Variants in YEATS4 observed in about 807,000 individuals in gnomAD.
YEATS4 encodes YEATS domain-containing protein 4.
Under a neutral mutation model 30.1 loss-of-function variants are expected in YEATS4, and 17 were observed. The observed-to-expected ratio is 0.56, with a 90% CI of 0.39 to 0.85. The LOEUF is 0.85. Ranked by LOEUF, YEATS4 falls within the 40% of genes least tolerant of loss-of-function variation. The pLI is 0.00. For synonymous variants in YEATS4, 85 were observed against 87.5 expected (o/e 0.97, Z 0.16); for missense variants, 142 against 268.3 (o/e 0.53, Z 3.29).
At chr12:69,384,892 CAGAT>C (rs1476878203) in intron 6 of YEATS4, among the ~76,000 whole-genome samples, 14 of 152,060 alleles carry the variant, frequency 9.2e-5, no homozygotes, top group South Asian at 2.1e-4. Flanking sequence ...TATGGACAGA[CAGAT>C]AGAATAAGAG....
chr12:69,426,923 G>A, the YEATS4 span, among the ~76,000 whole-genome samples: 1 of 152,132 alleles, frequency 6.6e-6, no homozygotes, highest in Non-Finnish European at 1.5e-5. Flanking sequence ...TTCCTTTAAA[G>A]TGGCTTTATT....
intron 2 of YEATS4, among the ~76,000 whole-genome samples, chr12:69,363,697 GAGTA>G (rs1267293577): frequency 3.3e-5 from 5 of 152,186 alleles, no homozygotes; most frequent in Non-Finnish European, 5.9e-5. Flanking sequence ...TTTATTGAGT[GAGTA>G]AATTATTCCT....
the YEATS4 span, among the ~76,000 whole-genome samples, chr12:69,408,286 C>T: frequency 6.6e-6 from 1 of 151,932 alleles, no homozygotes; most frequent in African/African-American, 2.4e-5. Flanking sequence ...CTAGTAACAT[C>T]TTACATTTCT....
chr12:69,380,507 A>G (rs1876033124), intron 6 of YEATS4, among the ~76,000 whole-genome samples: 1 of 152,166 alleles, frequency 6.6e-6, no homozygotes, highest in South Asian at 2.1e-4. Flanking sequence ...GGATGACACA[A>G]GCACCCCTTT....
chr12:69,422,475 T>C, the YEATS4 span, among the ~76,000 whole-genome samples: 1 of 150,906 alleles, frequency 6.6e-6, no homozygotes, highest in African/African-American at 2.4e-5. Context: ...ATACAAAAAA[T>C]ACAAAGATAG....
the YEATS4 span, among the ~76,000 whole-genome samples, chr12:69,400,498 A>G: frequency 2.6e-5 from 4 of 152,152 alleles, no homozygotes; most frequent in African/African-American, 9.7e-5. Flanking sequence ...TGGGCAAAGA[A>G]TATGATCAAG....
chr12:69,367,825 T>C (rs1024649081), intron 4 of YEATS4, among the ~76,000 whole-genome samples: 6 of 152,236 alleles, frequency 3.9e-5, no homozygotes, highest in Non-Finnish European at 1.5e-5. Flanking sequence ...GCAGCTCATA[T>C]GTTACTAGAG....
chr12:69,376,684 C>A (rs905107164), intron 6 of YEATS4, among the ~76,000 whole-genome samples: 1 of 151,958 alleles, frequency 6.6e-6, no homozygotes, highest in African/African-American at 2.4e-5. Context: ...TTTGATGTAC[C>A]TTTGGTTTTG....
downstream of YEATS4, among the ~76,000 whole-genome samples, chr12:69,393,942 A>G (rs1044563226): frequency 7.2e-5 from 11 of 152,368 alleles, no homozygotes; most frequent in African/African-American, 2.6e-4. Flanking sequence ...ACTGTCTCAC[A>G]AGATGACAGT....
the YEATS4 span, among the ~76,000 whole-genome samples, chr12:69,417,536 C>T: frequency 6.6e-6 from 1 of 152,074 alleles, no homozygotes; most frequent in Non-Finnish European, 1.5e-5. Context: ...TGACCGATGC[C>T]TGAACATAAG....
At chr12:69,404,741 T>A in the YEATS4 span, among the ~76,000 whole-genome samples, 5 of 152,322 alleles carry the variant, frequency 3.3e-5, no homozygotes, top group South Asian at 8.3e-4. Context: ...GTAGATAGGA[T>A]CTCTCCATTC....
the YEATS4 span, among the ~76,000 whole-genome samples, chr12:69,420,763 G>A: frequency 6.6e-6 from 1 of 152,018 alleles, no homozygotes; most frequent in African/African-American, 2.4e-5. Flanking sequence ...AAAACACACT[G>A]GGGGAGAAAA....
chr12:69,371,031 G>C, intron 6 of YEATS4, 56 bp downstream of exon 6: 2 of 1,533,784 alleles, frequency 1.3e-6, no homozygotes, highest in Non-Finnish European at 1.8e-6. Context: ...ATAGTGAAAG[G>C]GTTGTATGAT....
intron 6 of YEATS4, among the ~76,000 whole-genome samples, chr12:69,374,057 A>G (rs1875748666): frequency 6.6e-6 from 1 of 151,506 alleles, no homozygotes; most frequent in Admixed American, 6.6e-5. Context: ...AAGTCAGGTG[A>G]TTCCTCCAGT....
At chr12:69,383,527 G>A (rs542674866) in intron 6 of YEATS4, among the ~76,000 whole-genome samples, 111 of 152,290 alleles carry the variant, frequency 7.3e-4, no homozygotes, top group Middle Eastern at 3.4e-3. Context: ...AACCAGCAAA[G>A]GGAATGAAGA....
intron 1 of YEATS4, among the ~76,000 whole-genome samples, chr12:69,362,010 GTTGT>G (rs1450488547): frequency 7.2e-5 from 5 of 69,654 alleles, no homozygotes; most frequent in Non-Finnish European, 1.5e-4. Flanking sequence ...AGGGTGTTTG[GTTGT>G]TTTTTTTTTT....
At chr12:69,407,702 C>CTTTTTTTTTTT in the YEATS4 span, among the ~76,000 whole-genome samples, 1 of 62,620 alleles carries the variant, frequency 1.6e-5, no homozygotes, top group East Asian at 5.2e-4. Context: ...TACTTTTTGT[C>CTTTTTTTTTTT]TTTTTTTTTT....
chr12:69,380,212 A>G (rs1185194538), intron 6 of YEATS4, among the ~76,000 whole-genome samples: 2 of 152,270 alleles, frequency 1.3e-5, no homozygotes, highest in South Asian at 2.1e-4. Flanking sequence ...TTTGTAATCT[A>G]GGTTTGTTGT....
At chr12:69,375,033 T>C (rs1875799578) in intron 6 of YEATS4, among the ~76,000 whole-genome samples, 1 of 144,984 alleles carries the variant, frequency 6.9e-6, no homozygotes, top group Admixed American at 6.8e-5. Flanking sequence ...ACGGGGCAGC[T>C]GGCCGGGCGG....
Sources: allele counts gnomAD v4.1 joint callset (sites outside exome capture counted in the v4.1 genomes callset), GRCh38; gene constraint gnomAD v4.1.1; transcripts MANE v1.5; gene names NCBI Gene and HGNC (gene_info 2026-07-23, HGNC 2026-07-21).